Variants in NPAS3 observed in about 807,000 individuals in gnomAD.
The protein encoded by NPAS3 is neuronal PAS domain-containing protein 3.
In NPAS3, 14 loss-of-function variants were observed where a neutral mutation model predicts 73.1. The observed-to-expected ratio is 0.19, with a 90% CI of 0.13 to 0.30. The LOEUF (loss-of-function observed/expected upper bound fraction) is 0.30, where lower values mean the gene tolerates loss of function less well. NPAS3 is among the 10% of genes least tolerant of loss of function. The pLI, the probability that NPAS3 is intolerant of heterozygous loss-of-function variation, is 1.00. For synonymous variants in NPAS3, 620 were observed against 541.5 expected (o/e 1.14, Z -2.01); for missense variants, 1,096 against 1,250.0 (o/e 0.88, Z 1.86).
chr14:33,784,258 AC>A (rs2063073512), intron 9 of NPAS3, among the ~76,000 whole-genome samples: 1 of 152,182 alleles, frequency 6.6e-6, no homozygotes. Flanking sequence ...ATTTGTGAGC[AC>A]TTACTAATGC....
At chr14:33,347,234 T>C (rs2044782653) in intron 3 of NPAS3, among the ~76,000 whole-genome samples, 2 of 152,226 alleles carry the variant, frequency 1.3e-5, no homozygotes, top group South Asian at 4.1e-4. Flanking sequence ...GTTTGCTAAG[T>C]CAGACAAATT....
At chr14:33,316,742 T>C (rs997560715) in intron 3 of NPAS3, among the ~76,000 whole-genome samples, 1 of 152,118 alleles carries the variant, frequency 6.6e-6, no homozygotes, top group African/African-American at 2.4e-5. Context: ...GCATGTCATG[T>C]ACTCTTAGAG....
chr14:33,602,835 G>T (rs1043588277), intron 5 of NPAS3, among the ~76,000 whole-genome samples: 59 of 152,228 alleles, frequency 3.9e-4, no homozygotes, highest in Non-Finnish European at 3.7e-4. Flanking sequence ...TGGTCTGAGC[G>T]CTGTTTCAGT....
intron 6 of NPAS3, among the ~76,000 whole-genome samples, chr14:33,718,923 C>T (rs2061029049): frequency 1.3e-5 from 2 of 152,034 alleles, no homozygotes; most frequent in Admixed American, 6.6e-5. Context: ...CCCAGGAGTT[C>T]AAGACCAGCC....
At chr14:33,594,188 T>C (rs2057162535) in intron 5 of NPAS3, among the ~76,000 whole-genome samples, 1 of 152,248 alleles carries the variant, frequency 6.6e-6, no homozygotes, top group Non-Finnish European at 1.5e-5. Flanking sequence ...AGTATTTGTA[T>C]ACAACCTACA....
At chr14:32,972,003 A>C (rs2037451578) in intron 1 of NPAS3, among the ~76,000 whole-genome samples, 1 of 147,406 alleles carries the variant, frequency 6.8e-6, no homozygotes, top group Non-Finnish European at 1.5e-5. Flanking sequence ...CAGTGGCGCA[A>C]TCTTGGCTCA....
chr14:33,271,771 T>A (rs1328498365), intron 3 of NPAS3, among the ~76,000 whole-genome samples: 1 of 152,170 alleles, frequency 6.6e-6, no homozygotes, highest in African/African-American at 2.4e-5. Flanking sequence ...TGTTCTGGCA[T>A]GTACTGTAAT....
intron 4 of NPAS3, among the ~76,000 whole-genome samples, chr14:33,432,206 C>T (rs921431748): frequency 2.0e-5 from 3 of 151,994 alleles, no homozygotes; most frequent in African/African-American, 7.2e-5. Flanking sequence ...ATAAAAGGAG[C>T]GAGTTTGTAC....
In NPAS3 at chr14:33,543,993, A is replaced by ATC. The variant is rs1393191586; in HGVS notation, c.469-16127_469-16126insCT. Among the ~76,000 whole-genome samples, 131 of 59,326 alleles carry ATC rather than the reference A, an allele frequency of 2.2e-3. 1 individual carries two copies. The highest frequency in any genetic ancestry group is 2.9e-3 in the Non-Finnish European group (96 of 32,788). The allele number at this position is 59,326 out of a possible 152,430, so 38.9% of individuals were successfully genotyped here. A position where few individuals can be genotyped will look rare whatever the true frequency, so the allele number is the denominator to read the frequency against. On this transcript the variant is annotated intron_variant, in intron 4 of 11. Coordinates refer to ENST00000356141, the Ensembl canonical transcript of NPAS3. ...TATATATATATATATATATATATAT[A>ATC]TATATATATCTATATCAGGAATAGG...
intron 4 of NPAS3, among the ~76,000 whole-genome samples, chr14:33,545,003 C>A (rs1488318563): frequency 6.6e-6 from 1 of 150,974 alleles, no homozygotes; most frequent in Non-Finnish European, 1.5e-5. Context: ...TTCTCATTGA[C>A]ATTAATGTTC....
rs117724472 is a variant in NPAS3, at chr14:33,416,600, A to G, written c.468+49332A>G. Among the ~76,000 whole-genome samples, 467 of 152,098 alleles carry G rather than the reference A, an allele frequency of 3.1e-3. 2 individuals are homozygous for G. The highest frequency in any genetic ancestry group is 5.6e-3 in the Non-Finnish European group (380 of 67,930). The stretch of plus-strand genomic sequence containing the variant: ...ATATTTTTCCAGCAGTATTGAATAG[A>G]TTTTGTTCTATTGGCTTATCTTCTT... On this transcript the variant is annotated intron_variant, in intron 4 of 11. Transcript: ENST00000356141.
At chr14:33,634,562 G>C (rs966737461) in intron 5 of NPAS3, among the ~76,000 whole-genome samples, 3 of 152,222 alleles carry the variant, frequency 2.0e-5, no homozygotes, top group Admixed American at 6.5e-5. Flanking sequence ...GACAGTAACA[G>C]AGAGCACCAG....
chr14:33,299,836 T>G (rs1266674143), intron 3 of NPAS3, among the ~76,000 whole-genome samples: 1 of 152,202 alleles, frequency 6.6e-6, no homozygotes, highest in Non-Finnish European at 1.5e-5. Context: ...TTCAATGAAT[T>G]ATTATAGCAG....
chr14:33,624,442 T>C (rs890313174), intron 5 of NPAS3, among the ~76,000 whole-genome samples: 2 of 152,204 alleles, frequency 1.3e-5, no homozygotes, highest in Non-Finnish European at 2.9e-5. Context: ...AAATGTTGTG[T>C]TCATCTATTT....
At chr14:33,156,832 A>G (rs2044664425) in intron 2 of NPAS3, among the ~76,000 whole-genome samples, 3 of 152,154 alleles carry the variant, frequency 2.0e-5, no homozygotes, top group African/African-American at 2.4e-5. Context: ...GTGAAATATA[A>G]TTATCGTTAA....
chr14:33,494,707 T>C (rs781779329), intron 4 of NPAS3, among the ~76,000 whole-genome samples: 13 of 152,144 alleles, frequency 8.5e-5, no homozygotes, highest in Non-Finnish European at 1.6e-4. Context: ...TATATATTTC[T>C]GTTTCCCTAA....
intron 6 of NPAS3, among the ~76,000 whole-genome samples, chr14:33,686,502 G>A (rs1261768870): frequency 6.6e-6 from 1 of 152,158 alleles, no homozygotes; most frequent in African/African-American, 2.4e-5. Flanking sequence ...ATTAGGCAAT[G>A]CAATTGCCAT....
chr14:33,102,428 A>G (rs1464895129), intron 2 of NPAS3, among the ~76,000 whole-genome samples: 2 of 152,210 alleles, frequency 1.3e-5, no homozygotes, highest in East Asian at 1.9e-4. Flanking sequence ...ATCTTTGCTT[A>G]CTATTTAGAA....
intron 2 of NPAS3, among the ~76,000 whole-genome samples, chr14:33,163,159 G>T (rs1414008623): frequency 6.6e-6 from 1 of 152,138 alleles, no homozygotes; most frequent in Non-Finnish European, 1.5e-5. Context: ...AGCTATCTGG[G>T]CTATTGTGAA....
Sources: gnomAD v4.1 joint callset for allele counts (sites outside exome capture counted in the v4.1 genomes callset) on GRCh38, gnomAD v4.1.1 for gene constraint, MANE v1.5 for transcripts, NCBI Gene and HGNC (gene_info 2026-07-23, HGNC 2026-07-21) for gene names.